The following MALT1 variants were observed in gnomAD, a reference collection of about 807,000 sequenced individuals.
MALT1 encodes the protein MALT1 paracaspase.
MALT1 carries 36 observed loss-of-function variants against 85.5 expected under a neutral mutation model. The observed-to-expected ratio is 0.42, with a 90% CI of 0.32 to 0.56. The LOEUF (loss-of-function observed/expected upper bound fraction) is 0.56, where lower values mean the gene tolerates loss of function less well. Ranked by LOEUF, MALT1 falls within the 20% of genes least tolerant of loss-of-function variation. The pLI is 0.10. For synonymous variants in MALT1, 359 were observed against 361.3 expected, an observed-to-expected ratio of 0.99 and a Z score of 0.07; for missense variants, 716 against 981.6, an observed-to-expected ratio of 0.73 and a Z score of 3.62.
chr18:58,729,547 C>A (rs1030191017), intron 10 of MALT1, among the ~76,000 whole-genome samples: 3 of 142,594 alleles, frequency 2.1e-5, no homozygotes, highest in Admixed American at 2.1e-4. Context: ...GAGAAAAAAA[C>A]ACTATGGAGT....
chr18:58,724,885 C>T (rs2055031914), intron 10 of MALT1, among the ~76,000 whole-genome samples: 1 of 152,006 alleles, frequency 6.6e-6, no homozygotes, highest in Admixed American at 6.6e-5. Flanking sequence ...TGGCTTACGT[C>T]TGTAATCCCA....
chr18:58,687,455 C>T (rs1327453817), intron 2 of MALT1, among the ~76,000 whole-genome samples: 1 of 152,112 alleles, frequency 6.6e-6, no homozygotes, highest in African/African-American at 2.4e-5. Context: ...AGGAGGGACA[C>T]ACATGGACCT....
chr18:58,687,794 T>G (rs1273282394), intron 2 of MALT1, among the ~76,000 whole-genome samples: 1 of 152,252 alleles, frequency 6.6e-6, no homozygotes. Context: ...ATCTTTCTTA[T>G]AATTTCAGCA....
intron 10 of MALT1, among the ~76,000 whole-genome samples, chr18:58,731,560 C>G (rs1032460343): frequency 6.6e-6 from 1 of 152,174 alleles, no homozygotes. Context: ...GTGTTTATTT[C>G]TGTTCTCCTG....
At chr18:58,729,010 T>G (rs1045409619) in intron 10 of MALT1, among the ~76,000 whole-genome samples, 2 of 152,010 alleles carry the variant, frequency 1.3e-5, no homozygotes, top group Non-Finnish European at 2.9e-5. Context: ...CTACTAAAAG[T>G]CAGACCCTTG....
Position 58,748,418 on chromosome 18 carries a change from ATTATCTCAAG to A in MALT1, c.*577_*586del, listed in dbSNP as rs983891488. ...AATATATACAGATACATATCTGTGT[ATTATCTCAAG>A]GAATGTACAAACTTTAGTTTTTGAT... On this transcript the variant is annotated 3_prime_UTR_variant, in exon 17 of 17. Transcript: ENST00000649217. The A allele has an allele frequency of 1.1e-5, 2 of 179,734 alleles. No homozygotes were observed. The highest frequency in any genetic ancestry group is 2.4e-5 in the African/African-American group (1 of 42,462). The allele number at this position is 179,734 out of a possible 1,614,324, so 11.1% of individuals were successfully genotyped here. A position where few individuals can be genotyped will look rare whatever the true frequency, so the allele number is the denominator to read the frequency against.
Position 58,727,616 on chromosome 18 carries a change from G to GTTTTTTTTTTTTTTT in MALT1, c.1222+4376_1222+4377insTTTTTTTTTTTTTTT, listed in dbSNP as rs751434443. On this transcript the variant is annotated intron_variant, in intron 10 of 16. Coordinates refer to ENST00000649217, the MANE Select transcript of MALT1 (RefSeq NM_006785.4). ...ACCCAGCCTGCCAAAGGTTTTTTGT[G>GTTTTTTTTTTTTTTT]TTTTTTTTTTTGTTTTTTTTTTTTT... 2.4e-3 allele frequency among the ~76,000 whole-genome samples: 296 copies of GTTTTTTTTTTTTTTT among 121,166 alleles called. 14 individuals are homozygous for GTTTTTTTTTTTTTTT. Among genetic ancestry groups the GTTTTTTTTTTTTTTT allele is most frequent in the Middle Eastern group, 8.4e-3 (2 of 238 alleles). 79.5% of individuals were successfully genotyped at this position (121,166 alleles called of 152,430 possible). A position where few individuals can be genotyped will look rare whatever the true frequency, so the allele number is the denominator to read the frequency against.
chr18:58,735,202 G>T lies in MALT1; in HGVS notation c.1476G>T (p.Thr492=). The T allele has an allele frequency of 6.2e-7, 1 of 1,603,746 alleles. No homozygotes were observed. The highest frequency in any genetic ancestry group is 8.5e-7 in the Non-Finnish European group (1 of 1,178,048). Residue 492 remains threonine (T), a splice_region_variant and synonymous_variant, in exon 13 of 17, where the codon ACG becomes ACT. Transcript: ENST00000649217. ...VTANIVFGYA[T]CQGAEAFEIQ... ...CTTAACTTCTTTTTCTATTTTTAAG[G>T]TGTCAAGGAGCAGAAGCTTTTGAAA...
At chr18:58,688,677 A>T (rs926571097) in intron 2 of MALT1, among the ~76,000 whole-genome samples, 3 of 152,036 alleles carry the variant, frequency 2.0e-5, no homozygotes, top group African/African-American at 7.2e-5. Flanking sequence ...AAGATACTCT[A>T]GAGGAAAAAC....
chr18:58,706,110 C>T (rs905683352), intron 4 of MALT1, among the ~76,000 whole-genome samples: 15 of 152,062 alleles, frequency 9.9e-5, no homozygotes, highest in African/African-American at 3.1e-4. Flanking sequence ...CTCAGGCTCC[C>T]GAGTAGGTGG....
chr18:58,716,067 A>G, intron 9 of MALT1, 100 bp downstream of exon 9: 1 of 840,976 alleles, frequency 1.2e-6, no homozygotes, highest in South Asian at 1.6e-5. Flanking sequence ...AGAAATGTGA[A>G]TAACATTGGG....
intron 13 of MALT1, among the ~76,000 whole-genome samples, chr18:58,740,875 T>G (rs2055292110): frequency 6.6e-6 from 1 of 152,154 alleles, no homozygotes; most frequent in Non-Finnish European, 1.5e-5. Context: ...TTTACCAAAT[T>G]TTCTTGTAGT....
In MALT1 at chr18:58,723,092, G is replaced by A; in HGVS notation, c.1063G>A (p.Glu355Lys). ...TTTGATAGGAAATATGAATTACCGG[G>A]AGCACCCCAAGCTCAAAGCTCCTTT... ...ALLIGNMNYR[E>K]HPKLKAPLVD... Residue 355 changes from glutamate (E) to lysine (K), a missense_variant, in exon 10 of 17, where the codon GAG becomes AAG. Physicochemically the swap from Glu to Lys is moderately conservative, Grantham distance 56 (BLOSUM62 1). Coordinates refer to ENST00000649217, the MANE Select transcript of MALT1 (RefSeq NM_006785.4). 6.2e-7 allele frequency: 1 copy of A among 1,613,812 alleles called. No individual in the cohort carries two copies. The highest frequency in any genetic ancestry group is 8.5e-7 in the Non-Finnish European group (1 of 1,179,920).
intron 8 of MALT1, 25 bp from the exon 9 acceptor site, chr18:58,715,910 G>A: frequency 1.9e-6 from 3 of 1,561,470 alleles, no homozygotes; most frequent in Non-Finnish European, 2.6e-6. Context: ...GATCTTACAT[G>A]TTTTGCTTTT....
intron 13 of MALT1, among the ~76,000 whole-genome samples, chr18:58,740,123 T>A (rs189749609): frequency 6.6e-6 from 1 of 152,340 alleles, no homozygotes; most frequent in African/African-American, 2.4e-5. Context: ...GTTTTCAAAT[T>A]CGTTGTCATT....
Position 58,754,238 on chromosome 18 carries a change from C to T in MALT1, c.*6396C>T, listed in dbSNP as rs1001546185. 2.6e-5 allele frequency: 4 copies of T among 152,118 alleles called. No individual in the cohort carries two copies. The highest frequency in any genetic ancestry group is 1.9e-4 in the East Asian group (1 of 5,194). 9.4% of individuals were successfully genotyped at this position (152,118 alleles called of 1,614,324 possible). A position where few individuals can be genotyped will look rare whatever the true frequency, so the allele number is the denominator to read the frequency against. ...AGTACTGCTGCTGCTTATACCGTAACGGGAAAAGTACACAACAGTGTCTTA... is the reference window on the plus strand; with the variant it reads ...AGTACTGCTGCTGCTTATACCGTAATGGGAAAAGTACACAACAGTGTCTTA... On this transcript the variant is annotated 3_prime_UTR_variant, in exon 17 of 17. Transcript: ENST00000649217.
intron 2 of MALT1, among the ~76,000 whole-genome samples, chr18:58,683,584 A>G (rs1006185999): frequency 6.6e-6 from 1 of 152,256 alleles, no homozygotes; most frequent in African/African-American, 2.4e-5. Context: ...TAGGTGTAAC[A>G]ATTTGCCTGA....
At chr18:58,721,981 C>T (rs2054989930) in intron 9 of MALT1, among the ~76,000 whole-genome samples, 1 of 152,212 alleles carries the variant, frequency 6.6e-6, no homozygotes, top group Non-Finnish European at 1.5e-5. Flanking sequence ...TCTCTGCTCC[C>T]TGGCATTTCT....
Position 58,747,705 on chromosome 18 carries a change from A to C in MALT1, c.2338A>C (p.Ser780Arg). 1.2e-6 allele frequency: 2 copies of C among 1,614,228 alleles called. No homozygotes were observed. The highest frequency in any genetic ancestry group is 1.7e-6 in the Non-Finnish European group (2 of 1,180,038). ...NVTPADSCHC[S>R]RTPDAFISSF... is the part of the protein sequence containing the mutation. ...TACACCAGCAGATAGCTGTCATTGC[A>C]GCCGGACTCCAGATGCATTTATTTC... The change falls in exon 17 of 17, where the codon AGC (serine) becomes CGC (arginine). Residue 780 changes from serine (S) to arginine (R), a missense_variant. Physicochemically the swap from Ser to Arg is moderately radical, Grantham distance 110. Coordinates refer to ENST00000649217, the MANE Select transcript of MALT1 (RefSeq NM_006785.4).
Sources: gnomAD v4.1 joint callset for allele counts (sites outside exome capture counted in the v4.1 genomes callset) on GRCh38, gnomAD v4.1.1 for gene constraint, MANE v1.5 for transcripts, NCBI Gene and HGNC (gene_info 2026-07-23, HGNC 2026-07-21) for gene names.